GFAP: variants seen among roughly 807,000 people sequenced by gnomAD.
The protein encoded by GFAP is glial fibrillary acidic protein, also known as intermediate filament protein.
Under a neutral mutation model 49.3 loss-of-function variants are expected in GFAP, and 38 were observed. The observed-to-expected ratio is 0.77, with a 90% CI of 0.60 to 1.01. The LOEUF is 1.01. GFAP is among the 50% of genes least tolerant of loss of function. GFAP has a pLI of 0.00. For synonymous variants in GFAP, 222 were observed against 236.4 expected (o/e 0.94, Z 0.56); for missense variants, 463 against 579.1 (o/e 0.80, Z 2.06).
chr17:44,910,205 G>C (rs562693720), intron 7 of GFAP: 3 of 1,613,720 alleles, frequency 1.9e-6, no homozygotes, highest in Non-Finnish European at 1.7e-6. Flanking sequence ...GTATTGTGAG[G>C]CTTTTGAGAT....
intron 1 of GFAP, 172 bp from the exon 2 acceptor site, chr17:44,914,260 A>G: frequency 1.6e-6 from 1 of 608,204 alleles, no homozygotes; most frequent in Non-Finnish European, 3.0e-6. Flanking sequence ...CTGGAGGATG[A>G]GCAGATGTGG....
At chr17:44,913,227 G>C in intron 4 of GFAP, 42 bp downstream of exon 4, 2 of 1,592,448 alleles carry the variant, frequency 1.3e-6, no homozygotes. Context: ...AGAGCAAGAA[G>C]GGCTGCCTGG....
At chr17:44,910,417 CA>C (rs2051732862) in intron 7 of GFAP, 197 bp downstream of exon 7, 1 of 1,594,500 alleles carries the variant, frequency 6.3e-7, no homozygotes, top group Non-Finnish European at 8.5e-7. Context: ...CCTAGCAGGA[CA>C]GGGGCAGCTG....
chr17:44,906,892 T>G lies in GFAP; in HGVS notation c.*455A>C, dbSNP rs1010498220. On this transcript the variant is annotated 3_prime_UTR_variant, in exon 9 of 9. Transcript: ENST00000588735. ...CTTGTCTGTGGGGCCTTCCCTTTCCTGTCTGAGTCTCAGTTTTCCTCCAGC... is the reference window on the plus strand; with the variant it reads ...CTTGTCTGTGGGGCCTTCCCTTTCCGGTCTGAGTCTCAGTTTTCCTCCAGC... 5.3e-5 allele frequency: 13 copies of G among 245,314 alleles called. No homozygotes were observed. The highest frequency in any genetic ancestry group is 4.9e-4 in the East Asian group (5 of 10,200). The allele number at this position is 245,314 out of a possible 1,614,324, so 15.2% of individuals were successfully genotyped here.
Position 44,904,714 on chromosome 17 carries a change from G to C in GFAP, c.*2633C>G, listed in dbSNP as rs1490964351. ...TCTCCTGTCCTGGGGCCCGGCCAGA[G>C]CATGCAGTGGCCTGGGACAAAGACC... is the stretch of plus-strand genomic sequence containing the variant. On this transcript the variant is annotated 3_prime_UTR_variant, in exon 9 of 9. Transcript: ENST00000588735. The C allele has an allele frequency of 6.4e-7, 1 of 1,550,498 alleles. No individual in the cohort carries two copies. Among genetic ancestry groups the C allele is most frequent in the East Asian group, 2.4e-5 (1 of 40,936 alleles).
intron 7 of GFAP, 141 bp from the exon 8 acceptor site, chr17:44,908,290 T>C: frequency 1.7e-6 from 1 of 600,428 alleles, no homozygotes; most frequent in Non-Finnish European, 3.0e-6. Context: ...GCCTAGGCTC[T>C]TCCAAACGGG....
chr17:44,913,805 G>T lies in GFAP; in HGVS notation c.541C>A (p.Leu181Met). 6.2e-7 allele frequency: 1 copy of T among 1,614,088 alleles called. No homozygotes were observed. The highest frequency in any genetic ancestry group is 8.5e-7 in the Non-Finnish European group (1 of 1,179,914). Residue 181 changes from leucine (L) to methionine (M), a missense_variant, in exon 3 of 9, where the codon CTG becomes ATG. Coordinates refer to ENST00000588735, the MANE Select transcript of GFAP (RefSeq NM_002055.5). ...TTCCTCTCCAGATCCAGACGGGCCA[G>T]GGTGGCTTCATCTGCTTCCTGGAGT... ...AYRQEADEAT[L>M]ARLDLERKIE...
intron 1 of GFAP, 62 bp downstream of exon 1, chr17:44,914,963 AC>A: frequency 7.0e-7 from 1 of 1,430,580 alleles, no homozygotes; most frequent in Non-Finnish European, 9.6e-7. Context: ...CTTCTCGGGC[AC>A]TCCTTCTTGG....
At position 44,904,918 on chromosome 17, in the gene GFAP, G is replaced by A; in HGVS notation, c.*2429C>T. ...TCCGGCTGGGTGTGACATCTCATGG[G>A]CACTACCCAGCCTCGTTCTCAGATC... On this transcript the variant is annotated 3_prime_UTR_variant, in exon 9 of 9. Coordinates refer to ENST00000588735, the MANE Select transcript of GFAP (RefSeq NM_002055.5). 2.6e-6 allele frequency: 4 copies of A among 1,550,616 alleles called. No homozygotes were observed. Among genetic ancestry groups the A allele is most frequent in the Middle Eastern group, 1.7e-4 (1 of 5,992 alleles).
Position 44,903,730 on chromosome 17 carries a change from C to G in GFAP, c.*3617G>C, listed in dbSNP as rs1480946226. 1 of 1,448,300 alleles carries G rather than the reference C, an allele frequency of 6.9e-7. No individual in the cohort carries two copies. The highest frequency in any genetic ancestry group is 1.4e-5 in the African/African-American group (1 of 69,774). 89.7% of individuals were successfully genotyped at this position (1,448,300 alleles called of 1,614,324 possible). ...CTTTTCCTGGCTGCATAATCCTTTC[C>G]TCATCTAGAGGCTTCCGCTTAGCAG... On this transcript the variant is annotated 3_prime_UTR_variant, in exon 9 of 9. Transcript: ENST00000588735.
rs1426234390 is a variant in GFAP at position 44,904,949 on chromosome 17, A to G, written c.*2398T>C. 1 of 1,550,272 alleles carries G rather than the reference A, an allele frequency of 6.5e-7. No homozygotes were observed. The highest frequency in any genetic ancestry group is 8.7e-7 in the Non-Finnish European group (1 of 1,146,920). On this transcript the variant is annotated 3_prime_UTR_variant, in exon 9 of 9. Coordinates refer to ENST00000588735, the MANE Select transcript of GFAP (RefSeq NM_002055.5). ...CCCAGCCTCGTTCTCAGATCCTGAG[A>G]CTCGCTCGGCTGTGGAGCTCACCCT...
In GFAP at chr17:44,903,409, C is replaced by T; in HGVS notation, c.*3938G>A. The stretch of plus-strand genomic sequence containing the variant: ...GCCAGATATGCAGGAGGGTGGGTTT[C>T]CTTCATCCCCCAGGTTGATGAAAGA... On this transcript the variant is annotated 3_prime_UTR_variant, in exon 9 of 9. Coordinates refer to ENST00000588735, the MANE Select transcript of GFAP (RefSeq NM_002055.5). The T allele has an allele frequency of 8.0e-7, 1 of 1,250,860 alleles. No homozygotes were observed. Among genetic ancestry groups the T allele is most frequent in the Middle Eastern group, 3.1e-4 (1 of 3,242 alleles). The allele number at this position is 1,250,860 out of a possible 1,614,324, so 77.5% of individuals were successfully genotyped here. A position where few individuals can be genotyped will look rare whatever the true frequency, so the allele number is the denominator to read the frequency against.
chr17:44,908,235 C>A (rs544149721), intron 7 of GFAP, 86 bp from the exon 8 acceptor site: 8 of 893,804 alleles, frequency 9.0e-6, no homozygotes, highest in South Asian at 2.6e-5. Flanking sequence ...ATCGCACCCC[C>A]CTCCCCATCA....
Position 44,915,294 on chromosome 17 carries a change from T to C in GFAP, c.193A>G (p.Thr65Ala). 1 of 1,613,732 alleles carries C rather than the reference T, an allele frequency of 6.2e-7. No individual in the cohort carries two copies. Among genetic ancestry groups the C allele is most frequent in the Non-Finnish European group, 8.5e-7 (1 of 1,179,934 alleles). Residue 65 changes from threonine (T) to alanine (A), a missense_variant, in exon 1 of 9, where the codon ACC becomes GCC. Physicochemically the swap from Thr to Ala is moderately conservative, Grantham distance 58. Transcript: ENST00000588735. This position sits in a 1 kb window ranked among gnomAD's most constrained non-coding sequence, Gnocchi z 4.1. ...ATCTCTGCCCGCTCACTGGCCCGGG[T>C]CTCCTTGAAGCCAGCATTGAGTGCC... ...AGALNAGFKE[T>A]RASERAEMME... is the part of the protein sequence containing the mutation.
rs2289671 is a variant in GFAP, at chr17:44,911,591, T to C, written c.906+81A>G. On this transcript the variant is annotated intron_variant, in intron 5 of 8. Coordinates refer to ENST00000588735, the MANE Select transcript of GFAP (RefSeq NM_002055.5). ...GCCCCGCCCTCGACCCAGGTCCTCG[T>C]CCCTGGCCCTTCTCCCCTGGCATCT... The C allele has an allele frequency of 0.47, 747,997 of 1,587,846 alleles. 177,742 individuals are homozygous for C. Among genetic ancestry groups the C allele is most frequent in the Middle Eastern group, 0.55 (2,532 of 4,586 alleles).
At chr17:44,913,474 C>A in intron 3 of GFAP, 44 bp from the exon 4 acceptor site, 2 of 1,603,004 alleles carry the variant, frequency 1.2e-6, no homozygotes, top group South Asian at 1.1e-5. Flanking sequence ...AGGGTACAGG[C>A]CACAGCTGGG....
In GFAP at chr17:44,904,082, C is replaced by A. The variant is rs772187555; in HGVS notation, c.*3265G>T. On this transcript the variant is annotated 3_prime_UTR_variant, in exon 9 of 9. Transcript: ENST00000588735. ...CAAAGTGCTGACGGACTTTGATGGG[C>A]GGGTGCTGACGGAGGCAGCCCAGGT... 6.4e-7 allele frequency: 1 copy of A among 1,550,602 alleles called. No individual in the cohort carries two copies.
chr17:44,913,961 CTG>C, intron 2 of GFAP, 65 bp downstream of exon 2: 1 of 1,330,804 alleles, frequency 7.5e-7, no homozygotes, highest in South Asian at 1.2e-5. Flanking sequence ...AGCTTGGGGG[CTG>C]TGTTTGGGTG....
chr17:44,910,715 G>A, intron 6 of GFAP, 57 bp from the exon 7 acceptor site: 2 of 1,560,976 alleles, frequency 1.3e-6, no homozygotes, highest in South Asian at 2.4e-5. Context: ...CCCTAGGCTG[G>A]GTCTTGGTGC....
Sources: gnomAD v4.1 joint callset for allele counts on GRCh38, gnomAD v4.1.1 for gene constraint, Gnocchi (gnomAD v3.1) non-coding constraint, MANE v1.5 for transcripts, NCBI Gene and HGNC (gene_info 2026-07-23, HGNC 2026-07-21) for gene names.